Variants in SPATS2 observed in about 807,000 individuals in gnomAD.
The protein encoded by SPATS2 is spermatogenesis-associated serine-rich protein 2.
Under a neutral mutation model 63.7 loss-of-function variants are expected in SPATS2, and 38 were observed. The ratio of observed to expected loss-of-function variants is 0.60; its 90% CI spans 0.46 to 0.78. SPATS2 has a LOEUF of 0.78. SPATS2 is among the 30% of genes least tolerant of loss of function. The pLI, the probability that SPATS2 is intolerant of heterozygous loss-of-function variation, is 0.00. For missense variants in SPATS2, 588 were observed against 666.2 expected (o/e 0.88, Z 1.29); for synonymous variants, 207 against 232.9 (o/e 0.89, Z 1.01).
At chr12:49,504,967 T>C (rs911815478) in intron 9 of SPATS2, among the ~76,000 whole-genome samples, 3 of 152,044 alleles carry the variant, frequency 2.0e-5, no homozygotes, top group East Asian at 1.9e-4. Context: ...TTTTGCCACA[T>C]TGCCCAGGCT....
intron 2 of SPATS2, among the ~76,000 whole-genome samples, chr12:49,403,501 G>C (rs1410995231): frequency 1.3e-5 from 2 of 151,680 alleles, no homozygotes; most frequent in Admixed American, 1.3e-4. Flanking sequence ...GGTGGCGGGT[G>C]CTTGTAGACT....
intron 9 of SPATS2, among the ~76,000 whole-genome samples, chr12:49,509,644 T>C: frequency 6.6e-6 from 1 of 151,582 alleles, no homozygotes; most frequent in Non-Finnish European, 1.5e-5. Context: ...TGGTGAAACC[T>C]GTCTCTACTG....
At chr12:49,372,503 G>A (rs1010570790) in intron 2 of SPATS2, among the ~76,000 whole-genome samples, 3 of 152,198 alleles carry the variant, frequency 2.0e-5, no homozygotes, top group African/African-American at 7.2e-5. Flanking sequence ...TGTATCCAAT[G>A]TGGAAGGAAC....
chr12:49,371,797 G>A (rs1048226907), intron 2 of SPATS2, among the ~76,000 whole-genome samples: 1 of 152,048 alleles, frequency 6.6e-6, no homozygotes, highest in Non-Finnish European at 1.5e-5. Flanking sequence ...GATCTTGTGA[G>A]AACAACCCCA....
At chr12:49,518,562 A>C (rs1946887099) in intron 10 of SPATS2, among the ~76,000 whole-genome samples, 1 of 152,238 alleles carries the variant, frequency 6.6e-6, no homozygotes, top group Non-Finnish European at 1.5e-5. Context: ...TAGCTAAGGT[A>C]AAAGAAAGAC....
chr12:49,405,754 T>C (rs796509115), intron 2 of SPATS2, among the ~76,000 whole-genome samples: 2 of 152,320 alleles, frequency 1.3e-5, no homozygotes, highest in African/African-American at 4.8e-5. Context: ...ACTTACTTTT[T>C]CGTAAATGTC....
intron 1 of SPATS2, among the ~76,000 whole-genome samples, chr12:49,370,619 A>G (rs1448715712): frequency 6.6e-6 from 1 of 152,074 alleles, no homozygotes; most frequent in South Asian, 2.1e-4. Context: ...AGACTCTTCC[A>G]CTTTTCTCAA....
At chr12:49,402,687 G>T (rs1289943043) in intron 2 of SPATS2, among the ~76,000 whole-genome samples, 1 of 152,150 alleles carries the variant, frequency 6.6e-6, no homozygotes, top group Non-Finnish European at 1.5e-5. Flanking sequence ...AAGGCTTAAG[G>T]CTTGAGAAGT....
At position 49,472,012 on chromosome 12, in the gene SPATS2, G is replaced by T. The variant is rs540708681; in HGVS notation, c.25+10975G>T. ...AATTACCCAGGGCATGGTGGGGCGTGTCTTTAGTCCTGCTTCTTGGGAGGC... is the reference window on the plus strand; with the variant it reads ...AATTACCCAGGGCATGGTGGGGCGTTTCTTTAGTCCTGCTTCTTGGGAGGC... On this transcript the variant is annotated intron_variant, in intron 3 of 13. Transcript: ENST00000552918. 6.7e-5 allele frequency among the ~76,000 whole-genome samples: 10 copies of T among 149,620 alleles called. 1 individual carries two copies. The East Asian group carries it at 1.7e-3, about 26-fold the overall frequency.
At chr12:49,436,282 C>T in intron 2 of SPATS2, among the ~76,000 whole-genome samples, 2 of 145,350 alleles carry the variant, frequency 1.4e-5, no homozygotes, top group African/African-American at 5.2e-5. Flanking sequence ...CTGACCTCCC[C>T]ACCTCCCTCC....
intron 2 of SPATS2, among the ~76,000 whole-genome samples, chr12:49,443,555 G>A (rs1287915354): frequency 6.7e-6 from 1 of 150,224 alleles, no homozygotes; most frequent in East Asian, 1.9e-4. Context: ...TTGTGCTTTT[G>A]AAGAACTCTC....
intron 2 of SPATS2, among the ~76,000 whole-genome samples, chr12:49,403,708 C>T (rs948869582): frequency 3.3e-5 from 5 of 151,856 alleles, no homozygotes; most frequent in African/African-American, 1.2e-4. Flanking sequence ...CCCTAGTACC[C>T]TATTCTTAAA....
chr12:49,369,028 C>T (rs1943952134), intron 1 of SPATS2, among the ~76,000 whole-genome samples: 1 of 138,716 alleles, frequency 7.2e-6, no homozygotes, highest in African/African-American at 2.9e-5. Flanking sequence ...GACAATGTGC[C>T]TCTTTTTTTT....
chr12:49,457,075 T>C (rs1945731965), intron 2 of SPATS2, among the ~76,000 whole-genome samples: 1 of 152,142 alleles, frequency 6.6e-6, no homozygotes, highest in Non-Finnish European at 1.5e-5. Context: ...CTTCTATTTT[T>C]ATCATTTATT....
intron 2 of SPATS2, among the ~76,000 whole-genome samples, chr12:49,407,984 C>T (rs1029350430): frequency 6.6e-6 from 1 of 152,282 alleles, no homozygotes; most frequent in Admixed American, 6.5e-5. Context: ...CCTTGGCTAG[C>T]ACAGTGTTTG....
intron 6 of SPATS2, among the ~76,000 whole-genome samples, chr12:49,493,470 C>A (rs965708927): frequency 1.3e-5 from 2 of 150,846 alleles, no homozygotes; most frequent in African/African-American, 4.9e-5. Flanking sequence ...GGTGCAAGCT[C>A]AGCTCACTGC....
At chr12:49,480,830 G>A (rs201126614) in intron 3 of SPATS2, among the ~76,000 whole-genome samples, 2 of 151,324 alleles carry the variant, frequency 1.3e-5, no homozygotes, top group Non-Finnish European at 2.9e-5. Context: ...TGCACCCTGG[G>A]TATAAATATA....
chr12:49,439,169 A>G (rs1592397271), intron 2 of SPATS2, among the ~76,000 whole-genome samples: 1 of 152,186 alleles, frequency 6.6e-6, no homozygotes, highest in Admixed American at 6.6e-5. Context: ...ACAGAATGGC[A>G]AGTTCAAAGG....
At chr12:49,469,770 C>A (rs1334798154) in intron 3 of SPATS2, among the ~76,000 whole-genome samples, 1 of 151,478 alleles carries the variant, frequency 6.6e-6, no homozygotes, top group Non-Finnish European at 1.5e-5. Context: ...CGCCTGTAAT[C>A]CCAGCTGCTT....
Sources: allele counts gnomAD v4.1 joint callset (sites outside exome capture counted in the v4.1 genomes callset), GRCh38; gene constraint gnomAD v4.1.1; transcripts MANE v1.5; gene names NCBI Gene and HGNC (gene_info 2026-07-23, HGNC 2026-07-21).